ZFHX3: variants seen among roughly 807,000 people sequenced by gnomAD.
The protein encoded by ZFHX3 is zinc finger homeobox protein 3.
Under a neutral mutation model 279.1 loss-of-function variants are expected in ZFHX3, and 42 were observed. That is an observed-to-expected ratio of 0.15 (90% CI 0.12 to 0.19). The LOEUF (loss-of-function observed/expected upper bound fraction) is 0.19, where lower values mean the gene tolerates loss of function less well. Among genes scored for constraint, ZFHX3 ranks in the 10% least tolerant of loss-of-function variants. The probability of loss-of-function intolerance (pLI) is 1.00; values close to 1 mark genes in which losing one functional copy is unlikely to be tolerated. For missense variants in ZFHX3, 4,981 were observed against 4,754.0 expected (o/e 1.05, Z -1.40); for synonymous variants, 2,293 against 1,957.8 (o/e 1.17, Z -4.52).
In ZFHX3 at chr16:72,960,170, T is replaced by C; in HGVS notation, c.-25A>G. On this transcript the variant is annotated 5_prime_UTR_variant, in exon 2 of 10. It removes an upstream start codon present in the reference 5' UTR. Coordinates refer to ENST00000268489, the MANE Select transcript of ZFHX3 (RefSeq NM_006885.4). ...TGGTAAGGCCTGCGTGGAGCTTTCATTGCACCCAGTACGGAGGCTCGGACC... is the reference window on the plus strand; with the variant it reads ...TGGTAAGGCCTGCGTGGAGCTTTCACTGCACCCAGTACGGAGGCTCGGACC... The C allele has an allele frequency of 2.0e-6, 3 of 1,536,212 alleles. No individual in the cohort carries two copies. Among genetic ancestry groups the C allele is most frequent in the African/African-American group, 1.4e-5 (1 of 72,698 alleles).
chr16:73,194,166 ACTT>A (rs1053516153), intron 5 of ZFHX3, among the ~76,000 whole-genome samples: 6 of 152,064 alleles, frequency 3.9e-5, no homozygotes, highest in African/African-American at 9.7e-5. Flanking sequence ...CGGTTTAGGA[ACTT>A]CTTTTTTATT....
At chr16:72,879,331 A>C (rs1293607246) in intron 4 of ZFHX3, among the ~76,000 whole-genome samples, 1 of 152,192 alleles carries the variant, frequency 6.6e-6, no homozygotes, top group Non-Finnish European at 1.5e-5. Flanking sequence ...GGCTCTAGGT[A>C]GCATCTACCC....
intron 1 of ZFHX3, among the ~76,000 whole-genome samples, chr16:72,971,878 A>ATTTTTTTTTTTTTTTTTTTTTTTTT (rs34508228): frequency 1.0e-5 from 1 of 95,466 alleles, no homozygotes; most frequent in Non-Finnish European, 2.0e-5. Context: ...CTGCCTATTA[A>ATTTTTTTTTTTTTTTTTTTTTTTTT]TTTTTTTTTT....
intron 2 of ZFHX3, among the ~76,000 whole-genome samples, chr16:73,665,835 A>G (rs2052834255): frequency 1.4e-5 from 1 of 73,268 alleles, no homozygotes; most frequent in African/African-American, 5.5e-5. Flanking sequence ...TTTTTTTTTT[A>G]AGGCAGAGTC....
intron 1 of ZFHX3, among the ~76,000 whole-genome samples, chr16:73,054,057 G>T (rs528872507): frequency 1.1e-4 from 16 of 151,542 alleles, no homozygotes; most frequent in Middle Eastern, 3.4e-3. Context: ...TGATCTGGGG[G>T]GCTGGGGGGA....
At chr16:73,747,673 A>T (rs1162939489) in intron 1 of ZFHX3, among the ~76,000 whole-genome samples, 1 of 152,216 alleles carries the variant, frequency 6.6e-6, no homozygotes, top group Non-Finnish European at 1.5e-5. Context: ...AAGTATAGGT[A>T]TAGGTAATGT....
intron 2 of ZFHX3, among the ~76,000 whole-genome samples, chr16:73,592,222 G>C (rs2052006866): frequency 2.0e-5 from 3 of 152,180 alleles, no homozygotes; most frequent in Non-Finnish European, 2.9e-5. Flanking sequence ...GACAGAGTGA[G>C]ACTGTCTCAA....
intron 3 of ZFHX3, among the ~76,000 whole-genome samples, chr16:72,915,780 T>G (rs1476549998): frequency 6.7e-6 from 1 of 149,626 alleles, no homozygotes; most frequent in Non-Finnish European, 1.5e-5. Context: ...AAAAAAAGGC[T>G]GAATTTCATT....
intron 4 of ZFHX3, among the ~76,000 whole-genome samples, chr16:73,273,826 T>C (rs2014220281): frequency 6.6e-6 from 1 of 152,198 alleles, no homozygotes; most frequent in African/African-American, 2.4e-5. Context: ...ACAGGTGGAA[T>C]GCTGCTTAGA....
intron 4 of ZFHX3, among the ~76,000 whole-genome samples, chr16:73,303,440 G>T (rs140776660): frequency 6.6e-6 from 1 of 152,074 alleles, no homozygotes; most frequent in Non-Finnish European, 1.5e-5. Flanking sequence ...TTCACATTCC[G>T]GAGGCTGATC....
intron 1 of ZFHX3, among the ~76,000 whole-genome samples, chr16:72,975,254 C>T (rs1962298661): frequency 6.6e-6 from 1 of 152,086 alleles, no homozygotes; most frequent in Non-Finnish European, 1.5e-5. Flanking sequence ...CAAGCCTGGC[C>T]AACATAGTGA....
chr16:73,482,352 C>G (rs2018884404), intron 2 of ZFHX3, among the ~76,000 whole-genome samples: 1 of 152,190 alleles, frequency 6.6e-6, no homozygotes, highest in African/African-American at 2.4e-5. Flanking sequence ...CCACTGAAAT[C>G]TAAGAGAATT....
At chr16:73,353,265 C>T (rs147898458) in intron 3 of ZFHX3, among the ~76,000 whole-genome samples, 3 of 152,304 alleles carry the variant, frequency 2.0e-5, no homozygotes, top group African/African-American at 7.2e-5. Context: ...CCCATGGGCT[C>T]ATTTCGCCAA....
chr16:73,092,247 T>C (rs2144778424), intron 8 of ZFHX3: 1 of 152,344 alleles, frequency 6.6e-6, no homozygotes, highest in East Asian at 1.9e-4. Flanking sequence ...AGATACCATA[T>C]ATATATTTAC....
chr16:72,827,131 G>A (rs1005276733), intron 5 of ZFHX3, among the ~76,000 whole-genome samples: 2 of 152,046 alleles, frequency 1.3e-5, no homozygotes, highest in Non-Finnish European at 1.5e-5. Flanking sequence ...CGAAACATAC[G>A]CACCAAACAT....
At chr16:73,744,947 T>C (rs1194950093) in intron 1 of ZFHX3, among the ~76,000 whole-genome samples, 2 of 152,194 alleles carry the variant, frequency 1.3e-5, no homozygotes, top group African/African-American at 4.8e-5. Context: ...AGGAAATTCA[T>C]TGTTGCAACC....
intron 1 of ZFHX3, among the ~76,000 whole-genome samples, chr16:72,996,576 T>G (rs1339750924): frequency 6.6e-6 from 1 of 152,152 alleles, no homozygotes; most frequent in African/African-American, 2.4e-5. Context: ...GAGACAAACC[T>G]AATAACAAGA....
chr16:73,585,943 A>T (rs907069904), intron 2 of ZFHX3, among the ~76,000 whole-genome samples: 3 of 152,240 alleles, frequency 2.0e-5, no homozygotes, highest in Admixed American at 2.0e-4. Flanking sequence ...GGGATAACCA[A>T]CTAATCCAAA....
At chr16:73,070,050 C>T (rs763407806) in intron 8 of ZFHX3, among the ~76,000 whole-genome samples, 3 of 152,106 alleles carry the variant, frequency 2.0e-5, no homozygotes, top group East Asian at 1.9e-4. Context: ...TAAAGTGCCC[C>T]GAACTCCTGC....
Sources: allele counts gnomAD v4.1 joint callset (sites outside exome capture counted in the v4.1 genomes callset), GRCh38; gene constraint gnomAD v4.1.1; transcripts MANE v1.5; gene names NCBI Gene and HGNC (gene_info 2026-07-23, HGNC 2026-07-21).